PACRGL: variants seen among roughly 807,000 people sequenced by gnomAD.
PACRGL encodes the protein PACRG-like protein.
A neutral mutation model predicts 34.5 loss-of-function variants in PACRGL; 38 were observed. The ratio of observed to expected loss-of-function variants is 1.10; its 90% CI spans 0.85 to 1.44. The LOEUF (loss-of-function observed/expected upper bound fraction) is 1.44, where lower values mean the gene tolerates loss of function less well. Among genes scored for constraint, PACRGL ranks in the 40% most tolerant of loss-of-function variants. The pLI, the probability that PACRGL is intolerant of heterozygous loss-of-function variation, is 0.00. For synonymous variants in PACRGL, 128 were observed against 100.1 expected, an observed-to-expected ratio of 1.28 and a Z score of -1.66; for missense variants, 305 against 281.4, an observed-to-expected ratio of 1.08 and a Z score of -0.60.
At position 20,730,183 on chromosome 4, in the gene PACRGL, A is replaced by G; in HGVS notation, c.*2842A>G. 6.4e-7 allele frequency: 1 copy of G among 1,555,936 alleles called. No individual in the cohort carries two copies. The highest frequency in any genetic ancestry group is 8.7e-7 in the Non-Finnish European group (1 of 1,152,106). On this transcript the variant is annotated 3_prime_UTR_variant, in exon 9 of 9. Coordinates refer to ENST00000503585, the MANE Select transcript of PACRGL (RefSeq NM_001258345.3). ...ATTCAGCATATCTGCAAGGAAAAGT[A>G]CACTATTTTGCCCCTGAGTATTGCC...
At chr4:20,746,248 C>G (rs1360640930) in intron 8 of PACRGL, among the ~76,000 whole-genome samples, 1 of 152,104 alleles carries the variant, frequency 6.6e-6, no homozygotes, top group African/African-American at 2.4e-5. Context: ...TGGAAACCGT[C>G]ATTCTCAGCA....
chr4:20,701,960 A>T (rs1409825512), intron 1 of PACRGL: 2 of 454,636 alleles, frequency 4.4e-6, no homozygotes, highest in Non-Finnish European at 8.8e-6. Context: ...TTGAAAGGGG[A>T]TGTAGACGTG....
At chr4:20,766,382 A>T in the PACRGL span, among the ~76,000 whole-genome samples, 1 of 152,158 alleles carries the variant, frequency 6.6e-6, no homozygotes, top group Non-Finnish European at 1.5e-5. Flanking sequence ...CTTGGACAAC[A>T]TGGTGAAACC....
intron 7 of PACRGL, among the ~76,000 whole-genome samples, chr4:20,723,688 ATC>A (rs1477989263): frequency 6.6e-6 from 1 of 152,094 alleles, no homozygotes; most frequent in Non-Finnish European, 1.5e-5. Flanking sequence ...AGTGGCGTTT[ATC>A]TTTGGTCACT....
In PACRGL at chr4:20,707,851, A is replaced by G. The variant is rs1735253157; in HGVS notation, c.256A>G (p.Lys86Glu). The G allele has an allele frequency of 6.2e-7, 1 of 1,613,352 alleles. No homozygotes were observed. Among genetic ancestry groups the G allele is most frequent in the South Asian group, 1.1e-5 (1 of 91,048 alleles). ...TTCTGCATTTGCAGCTATTTACTCT[A>G]AAGGAGGTATTCCTTGCAGGTAAAA... is the stretch of plus-strand genomic sequence containing the variant. ...VPSAFAAIYS[K>E]GGIPCRLVHG... The change falls in exon 4 of 9, where the codon AAA becomes GAA. Residue 86 changes from lysine to glutamate, a missense_variant. Lys to Glu is a moderately conservative substitution (Grantham distance 56). Transcript: ENST00000503585.
At chr4:20,696,678 A>G (rs780819657), upstream of PACRGL, among the ~76,000 whole-genome samples, 4 of 152,186 alleles carry the variant, frequency 2.6e-5, no homozygotes, top group Non-Finnish European at 4.4e-5. Flanking sequence ...TGTACTCTCT[A>G]GCTATTTGAC....
Position 20,709,769 on chromosome 4 carries a change from C to G in PACRGL, c.362C>G (p.Ala121Gly), listed in dbSNP as rs1365765136. ...LSFDPLLITL[A>G]EGLRETKHPY... is the part of the protein sequence containing the mutation. Reference sequence around the variant, plus strand: ...TTTGATCCACTTCTTATTACTTTAGCTGAGGTAAATATGCCATCTCTTGAA... The same window carrying G: ...TTTGATCCACTTCTTATTACTTTAGGTGAGGTAAATATGCCATCTCTTGAA... The change falls in exon 5 of 9, where the codon GCT (alanine) becomes GGT (glycine). Residue 121 changes from alanine to glycine, a missense_variant. Coordinates refer to ENST00000503585, the MANE Select transcript of PACRGL (RefSeq NM_001258345.3). The G allele has an allele frequency of 1.3e-6, 2 of 1,590,158 alleles. No homozygotes were observed. Among genetic ancestry groups the G allele is most frequent in the East Asian group, 2.2e-5 (1 of 44,604 alleles).
rs1747960818 is a variant in PACRGL at position 20,730,903 on chromosome 4, A to G, written c.*3562A>G. 6.6e-6 allele frequency among the ~76,000 whole-genome samples: 1 copy of G among 152,114 alleles called. No individual in the cohort carries two copies. Among genetic ancestry groups the G allele is most frequent in the African/African-American group, 2.4e-5 (1 of 41,438 alleles). The stretch of plus-strand genomic sequence containing the variant: ...GGCTTCCACTGCTAGAAACCAAGTA[A>G]CATCACCGTCAAGCAGCTTAATGTC... On this transcript the variant is annotated 3_prime_UTR_variant, in exon 9 of 9. Transcript: ENST00000503585.
intron 6 of PACRGL, 110 bp from the exon 7 acceptor site, chr4:20,713,322 A>C (rs906873976): frequency 1.7e-5 from 13 of 743,362 alleles, no homozygotes; most frequent in Non-Finnish European, 2.7e-5. Context: ...GTAGATGTTT[A>C]ATCTTATCCT....
intron 8 of PACRGL, among the ~76,000 whole-genome samples, chr4:20,742,301 C>T (rs1173243052): frequency 4.6e-5 from 7 of 152,260 alleles, no homozygotes; most frequent in African/African-American, 9.6e-5. Flanking sequence ...TGCTGAACAT[C>T]GATGCAAAAA....
At position 20,730,234 on chromosome 4, in the gene PACRGL, C is replaced by G; in HGVS notation, c.*2893C>G. On this transcript the variant is annotated 3_prime_UTR_variant, in exon 9 of 9. Coordinates refer to ENST00000503585, the MANE Select transcript of PACRGL (RefSeq NM_001258345.3). Reference sequence around the variant, plus strand: ...TCCTCCCATCAACCACCTCAACCACCTATGCCAAAAGCTCAAATATTAAGT... The same window carrying G: ...TCCTCCCATCAACCACCTCAACCACGTATGCCAAAAGCTCAAATATTAAGT... The G allele has an allele frequency of 7.3e-7, 1 of 1,363,258 alleles. No individual in the cohort carries two copies. Among genetic ancestry groups the G allele is most frequent in the Admixed American group, 2.6e-5 (1 of 38,156 alleles). The allele number at this position is 1,363,258 out of a possible 1,614,324, so 84.4% of individuals were successfully genotyped here. A position where few individuals can be genotyped will look rare whatever the true frequency, so the allele number is the denominator to read the frequency against.
rs1553881130 is a variant in PACRGL, at chr4:20,729,129, G to GGCTTGTAATATAAA, written c.*1789_*1802dup. On this transcript the variant is annotated 3_prime_UTR_variant, in exon 9 of 9. Coordinates refer to ENST00000503585, the MANE Select transcript of PACRGL (RefSeq NM_001258345.3). ...AAGGTTTCTTTCTTTGTCCCTGAATGGCTTGTAATATAAATAAACATGCTG... is the reference window on the plus strand; with the variant it reads ...AAGGTTTCTTTCTTTGTCCCTGAATGGCTTGTAATATAAAGCTTGTAATATAAATAAACATGCTG... The GGCTTGTAATATAAA allele has an allele frequency of 3.4e-4, 52 of 152,594 alleles. No individual in the cohort carries two copies. The highest frequency in any genetic ancestry group is 1.2e-3 in the African/African-American group (48 of 41,514). 9.5% of individuals were successfully genotyped at this position (152,594 alleles called of 1,614,324 possible). A position where few individuals can be genotyped will look rare whatever the true frequency, so the allele number is the denominator to read the frequency against.
At chr4:20,698,500 C>A (rs1177955084), upstream of PACRGL, among the ~76,000 whole-genome samples, 1 of 152,104 alleles carries the variant, frequency 6.6e-6, no homozygotes, top group Non-Finnish European at 1.5e-5. Flanking sequence ...TCTTTCCTGC[C>A]CTCTAGATGA....
chr4:20,732,794 TAAAAG>T, downstream of PACRGL: 2 of 1,528,592 alleles, frequency 1.3e-6, no homozygotes, highest in Non-Finnish European at 9.1e-7. Context: ...TCCTGAAAAA[TAAAAG>T]GCACTCACGT....
intron 8 of PACRGL, among the ~76,000 whole-genome samples, chr4:20,741,048 C>A (rs893507809): frequency 9.2e-5 from 14 of 152,180 alleles, no homozygotes; most frequent in Admixed American, 2.0e-4. Context: ...TGCACCAATA[C>A]AGGAGCACCC....
downstream of PACRGL, among the ~76,000 whole-genome samples, chr4:20,755,975 G>A (rs1196892408): frequency 2.0e-5 from 3 of 152,138 alleles, no homozygotes; most frequent in East Asian, 1.9e-4. Flanking sequence ...TGTAGGTTGT[G>A]GCTTATGTTC....
At chr4:20,734,778 AAAAC>A (rs779945220), downstream of PACRGL, 3 of 1,163,022 alleles carry the variant, frequency 2.6e-6, no homozygotes, top group Non-Finnish European at 3.7e-6. Flanking sequence ...CATTTTTAAA[AAAAC>A]AAAAACAAAA....
At chr4:20,747,897 G>C (rs1307966379) in intron 8 of PACRGL, among the ~76,000 whole-genome samples, 1 of 152,150 alleles carries the variant, frequency 6.6e-6, no homozygotes, top group Non-Finnish European at 1.5e-5. Context: ...CACCCAGATA[G>C]CTGCCTACGC....
chr4:20,714,940 C>T (rs1449506856), intron 7 of PACRGL, among the ~76,000 whole-genome samples: 2 of 152,020 alleles, frequency 1.3e-5, no homozygotes, highest in East Asian at 1.9e-4. Flanking sequence ...ACCCAAAGGA[C>T]TATAAATCAT....
Sources: gnomAD v4.1 joint callset for allele counts (sites outside exome capture counted in the v4.1 genomes callset) on GRCh38, gnomAD v4.1.1 for gene constraint, MANE v1.5 for transcripts, NCBI Gene and HGNC (gene_info 2026-07-23, HGNC 2026-07-21) for gene names.